The following AFDN variants were observed in gnomAD, a reference collection of about 807,000 sequenced individuals.
AFDN encodes afadin, adherens junction formation factor, also known as afadin.
A neutral mutation model predicts 216.6 loss-of-function variants in AFDN; 68 were observed. The ratio of observed to expected loss-of-function variants is 0.31; its 90% CI spans 0.26 to 0.38. The LOEUF (loss-of-function observed/expected upper bound fraction) is 0.38, where lower values mean the gene tolerates loss of function less well. AFDN is among the 10% of genes least tolerant of loss of function. The pLI is 1.00. For missense variants in AFDN, 2,136 were observed against 2,342.0 expected, an observed-to-expected ratio of 0.91 and a Z score of 1.82; for synonymous variants, 868 against 853.7, an observed-to-expected ratio of 1.02 and a Z score of -0.29.
rs1328417358 is a variant in AFDN, at chr6:167,951,602, G to C, written c.4248G>C (p.Arg1416=). The change falls in exon 30 of 34, where the codon CGG becomes CGC. Residue 1416 remains arginine (R), a synonymous_variant. Coordinates refer to ENST00000683244, the MANE Select transcript of AFDN (RefSeq NM_001386888.1). The surrounding 1 kb of genome is among the most constrained non-coding windows in gnomAD (Gnocchi z 7.1). ...CTGCGCAGGTGGCTGCTGCTGAACG[G>C]AGAAAGAGAGAAGAACATCAGCGTT... ...LPSAQVAAAE[R]RKREEHQRWY... is the part of the protein sequence containing the mutation. The C allele has an allele frequency of 1.9e-6, 3 of 1,613,978 alleles. No individual in the cohort carries two copies. The highest frequency in any genetic ancestry group is 2.5e-6 in the Non-Finnish European group (3 of 1,180,034).
intron 1 of AFDN, among the ~76,000 whole-genome samples, chr6:167,856,681 A>T (rs973775826): frequency 6.6e-6 from 1 of 152,098 alleles, no homozygotes; most frequent in African/African-American, 2.4e-5. Context: ...ATACTGTCTC[A>T]TTTAATTCTC....
intron 10 of AFDN, 70 bp downstream of exon 10, chr6:167,897,042 C>A: frequency 2.6e-6 from 2 of 769,032 alleles, no homozygotes; most frequent in Non-Finnish European, 4.4e-6. Context: ...CAGAGCCTGC[C>A]ACATGGTAAT....
intron 25 of AFDN, 69 bp from the exon 26 acceptor site, chr6:167,943,872 C>A: frequency 1.6e-6 from 2 of 1,285,732 alleles, no homozygotes; most frequent in Non-Finnish European, 2.3e-6. Context: ...TTGCTATAAT[C>A]ACAGCGATTC....
At chr6:167,897,032 C>T (rs1014267697) in intron 10 of AFDN, 60 bp downstream of exon 10, 1 of 852,882 alleles carries the variant, frequency 1.2e-6, no homozygotes, top group African/African-American at 1.7e-5. Context: ...ACGTATTGTA[C>T]AGAGCCTGCC....
chr6:167,864,300 G>T (rs1783920641), intron 1 of AFDN: 2 of 694,000 alleles, frequency 2.9e-6, no homozygotes, highest in Non-Finnish European at 5.4e-6. Flanking sequence ...GTTAGCTGTT[G>T]ATAACATCAT....
Position 167,951,897 on chromosome 6 carries a change from G to A in AFDN, c.4543G>A (p.Gly1515Arg), listed in dbSNP as rs1402653620. The change falls in exon 30 of 34, where the codon GGG (glycine) becomes AGG (arginine). Residue 1515 changes from glycine to arginine, a missense_variant. Gly to Arg is a moderately radical substitution (Grantham distance 125). This residue lies in a region of AFDN where 981 missense variants were observed against 966.0 expected (regional missense o/e 1.02). Transcript: ENST00000683244. This position sits in a 1 kb window ranked among gnomAD's most constrained non-coding sequence, Gnocchi z 7.1. The part of the protein sequence containing the change: ...ITVSKEELSS[G>R]DSLSPDPWKR... The stretch of plus-strand genomic sequence containing the variant: ...AGTCAGCAAAGAGGAGCTTTCCTCG[G>A]GGGACAGTCTGTCCCCCGACCCGTG... 6.2e-7 allele frequency: 1 copy of A among 1,613,890 alleles called. No individual in the cohort carries two copies. Among genetic ancestry groups the A allele is most frequent in the Admixed American group, 1.7e-5 (1 of 59,962 alleles).
upstream of AFDN, chr6:167,826,654 C>T (rs1583047081): frequency 2.1e-6 from 1 of 482,394 alleles, no homozygotes; most frequent in African/African-American, 1.9e-5. Context: ...CCGAACCGAA[C>T]CTAGCACCGC....
At chr6:167,863,753 G>A (rs771919478) in intron 1 of AFDN, 1 of 518,822 alleles carries the variant, frequency 1.9e-6, no homozygotes, top group Non-Finnish European at 3.8e-6. Context: ...GATGATACCT[G>A]TGGAGGGGAT....
intron 23 of AFDN, among the ~76,000 whole-genome samples, chr6:167,928,286 G>GTGGCCTC (rs1413896847): frequency 6.6e-6 from 1 of 152,244 alleles, no homozygotes; most frequent in Non-Finnish European, 1.5e-5. Flanking sequence ...CCTCTGCTGG[G>GTGGCCTC]TGGCCTCTGG....
At position 167,915,222 on chromosome 6, in the gene AFDN, T is replaced by C; in HGVS notation, c.2354T>C (p.Val785Ala). ...ATGTCCTTGCTACGACGCTGCAGAG[T>C]CAATGCCGCCCTGACCATCCAGCTC... ...GAMSLLRRCR[V>A]NAALTIQLFS... Residue 785 changes from valine to alanine, a missense_variant, in exon 19 of 34, where the codon GTC becomes GCC. This residue lies in a region of AFDN where 817 missense variants were observed against 965.7 expected (regional missense o/e 0.85). Transcript: ENST00000683244. 6.2e-7 allele frequency: 1 copy of C among 1,614,222 alleles called. No individual in the cohort carries two copies. Among genetic ancestry groups the C allele is most frequent in the Non-Finnish European group, 8.5e-7 (1 of 1,180,038 alleles).
intron 1 of AFDN, among the ~76,000 whole-genome samples, chr6:167,837,474 T>C (rs998090265): frequency 5.3e-5 from 8 of 152,166 alleles, no homozygotes; most frequent in Non-Finnish European, 1.0e-4. Context: ...TTTACATCTT[T>C]AGTACTGAAT....
chr6:167,906,134 G>T (rs183442199), intron 12 of AFDN, among the ~76,000 whole-genome samples: 4 of 152,080 alleles, frequency 2.6e-5, no homozygotes, highest in Admixed American at 2.6e-4. Context: ...CTTATGGAAG[G>T]ATTCATTGGG....
rs562670046 is a variant in AFDN at position 167,963,624 on chromosome 6, T to C, written c.4968+1057T>C. The C allele has an allele frequency of 1.1e-4, 117 of 1,059,092 alleles. 2 individuals are homozygous for C. In the East Asian group the frequency reaches 6.1e-3, roughly 55 times the overall value. 65.6% of individuals were successfully genotyped at this position (1,059,092 alleles called of 1,614,324 possible). On this transcript the variant is annotated intron_variant, in intron 31 of 33. Coordinates refer to ENST00000683244, the MANE Select transcript of AFDN (RefSeq NM_001386888.1). ...AGTGAATAATGTAAGGACACTCACCTCTGTTGAAATTGGTGATTTCTGCAT... is the reference window on the plus strand; with the variant it reads ...AGTGAATAATGTAAGGACACTCACCCCTGTTGAAATTGGTGATTTCTGCAT...
intron 9 of AFDN, 74 bp downstream of exon 9, chr6:167,893,980 A>C: frequency 9.0e-7 from 1 of 1,106,272 alleles, no homozygotes; most frequent in Non-Finnish European, 1.3e-6. Flanking sequence ...GTGTTGAATG[A>C]CCAAATATCT....
chr6:167,956,257 G>A (rs1428110520), intron 30 of AFDN, among the ~76,000 whole-genome samples: 1 of 151,966 alleles, frequency 6.6e-6, no homozygotes, highest in Admixed American at 6.6e-5. Context: ...TATAGGGAGT[G>A]ACACTACCCA....
chr6:167,924,437 C>T (rs889060883), intron 22 of AFDN, among the ~76,000 whole-genome samples: 2 of 152,172 alleles, frequency 1.3e-5, no homozygotes, highest in Admixed American at 6.5e-5. Flanking sequence ...CCCAGCCAGG[C>T]GGGCTTCACT....
intron 1 of AFDN, among the ~76,000 whole-genome samples, chr6:167,846,384 C>T (rs759220718): frequency 1.4e-4 from 22 of 152,082 alleles, no homozygotes; most frequent in Non-Finnish European, 2.9e-4. Flanking sequence ...AATTTTACTT[C>T]AGTGACTTTG....
At chr6:167,885,253 C>A (rs1441130821) in intron 6 of AFDN, among the ~76,000 whole-genome samples, 1 of 152,198 alleles carries the variant, frequency 6.6e-6, no homozygotes, top group Non-Finnish European at 1.5e-5. Context: ...TTCATATGTT[C>A]ATTGGAGTAG....
rs1791408850 is a variant in AFDN, at chr6:167,918,650, G to A, written c.2710-85G>A. On this transcript the variant is annotated intron_variant, in intron 20 of 33. Transcript: ENST00000683244. ...TCTGTGAGATAAGCTGTGCTGCAGT[G>A]AGCAGACAGCCTTTGAATAGTTGTT... The A allele has an allele frequency of 2.5e-6, 3 of 1,207,232 alleles. No individual in the cohort carries two copies. In the African/African-American group the frequency reaches 4.5e-5, roughly 18 times the overall value. The allele number at this position is 1,207,232 out of a possible 1,614,324, so 74.8% of individuals were successfully genotyped here. A position where few individuals can be genotyped will look rare whatever the true frequency, so the allele number is the denominator to read the frequency against.
Sources: allele counts gnomAD v4.1 joint callset (sites outside exome capture counted in the v4.1 genomes callset), GRCh38; gene constraint gnomAD v4.1.1; regional missense constraint gnomAD v4.1.1; non-coding constraint Gnocchi (gnomAD v3.1); transcripts MANE v1.5; gene names NCBI Gene and HGNC (gene_info 2026-07-23, HGNC 2026-07-21).